PCDHGA10: variants seen among roughly 807,000 people sequenced by gnomAD.
The protein encoded by PCDHGA10 is protocadherin gamma subfamily A, 10.
A neutral mutation model predicts 59.5 loss-of-function variants in PCDHGA10; 42 were observed. That is an observed-to-expected ratio of 0.71 (90% CI 0.55 to 0.91). PCDHGA10 has a LOEUF of 0.91. PCDHGA10 is among the 40% of genes least tolerant of loss of function. The probability of loss-of-function intolerance (pLI) is 0.00; values close to 1 mark genes in which losing one functional copy is unlikely to be tolerated. For missense variants in PCDHGA10, 1,111 were observed against 1,198.2 expected (o/e 0.93, Z 1.07); for synonymous variants, 511 against 517.2 (o/e 0.99, Z 0.16).
rs146358809 is a variant in PCDHGA10, at chr5:141,480,913, C to T, written c.2437-13894C>T. 4.1e-3 allele frequency among the ~76,000 whole-genome samples: 617 copies of T among 152,096 alleles called. 6 individuals are homozygous for T. Among genetic ancestry groups the T allele is most frequent in the Admixed American group, 0.011 (171 of 15,272 alleles). ...TGCAAACATTAGCTGGGCATGGTGG[C>T]GCATACCTGTAGTCCCAGCTACTCT... On this transcript the variant is annotated intron_variant, in intron 1 of 3. Transcript: ENST00000398610.
At chr5:141,424,022 A>G (rs2096795541) in intron 1 of PCDHGA10, 13 of 1,046,584 alleles carry the variant, frequency 1.2e-5, no homozygotes, top group Non-Finnish European at 1.4e-5. Context: ...ATGATTCACA[A>G]ACACTTTTTA....
In PCDHGA10 at chr5:141,431,339, TTGG is replaced by T. The variant is rs750589924; in HGVS notation, c.2436+15731_2436+15733del. ...AGCCGACGGTAGTAAGTACCCCGAA[TTGG>T]TGCTGAAACGCGCCCTGGACCGCGA... is the stretch of plus-strand genomic sequence containing the variant. On this transcript the variant is annotated intron_variant, in intron 1 of 3. Coordinates refer to ENST00000398610, the MANE Select transcript of PCDHGA10 (RefSeq NM_018913.3). The surrounding 1 kb of genome is among the most constrained non-coding windows in gnomAD (Gnocchi z 4.8). 4 of 1,614,060 alleles carry T rather than the reference TTGG, an allele frequency of 2.5e-6. No individual in the cohort carries two copies. The Admixed American group carries it at 6.7e-5, about 27-fold the overall frequency.
At chr5:141,465,714 C>T (rs1015102102) in intron 1 of PCDHGA10, among the ~76,000 whole-genome samples, 4 of 152,200 alleles carry the variant, frequency 2.6e-5, no homozygotes, top group Non-Finnish European at 5.9e-5. Context: ...AATGCCACCA[C>T]TTCCACCTCT....
chr5:141,417,713 C>G, intron 1 of PCDHGA10: 1 of 1,271,750 alleles, frequency 7.9e-7, no homozygotes, highest in Non-Finnish European at 1.1e-6. Flanking sequence ...CAGAGGCTCC[C>G]GGCTGCGCAG....
intron 1 of PCDHGA10, among the ~76,000 whole-genome samples, chr5:141,442,717 C>T (rs918238654): frequency 1.3e-5 from 2 of 152,166 alleles, no homozygotes; most frequent in African/African-American, 2.4e-5. Flanking sequence ...CATGCCAGAG[C>T]ATTTGGGGCC....
rs374674787 is a variant in PCDHGA10, at chr5:141,413,232, G to A, written c.57G>A (p.Leu19=). ...CAAAGGATTGCAGCGGGCTGGTCCT[G>A]CTCTGCCTTTTCTTCGGGATTCCAT... The part of the protein sequence containing the change: ...KESKDCSGLV[L]LCLFFGIPWE... Residue 19 remains leucine (L), a synonymous_variant, in exon 1 of 4, where the codon CTG becomes CTA. Transcript: ENST00000398610. The A allele has an allele frequency of 1.1e-4, 170 of 1,613,834 alleles. No homozygotes were observed. Among genetic ancestry groups the A allele is most frequent in the Non-Finnish European group, 1.4e-4 (164 of 1,179,902 alleles).
intron 1 of PCDHGA10, chr5:141,428,464 G>A (rs904800167): frequency 1.1e-4 from 37 of 344,652 alleles, no homozygotes; most frequent in African/African-American, 6.3e-4. Context: ...CTACAATGAG[G>A]GAACTTTGCT....
Position 141,476,855 on chromosome 5 carries a change from T to C in PCDHGA10, c.2437-17952T>C, listed in dbSNP as rs149491772. The C allele has an allele frequency of 3.2e-4, 519 of 1,613,836 alleles. 3 individuals carry two copies. The African/African-American group carries it at 6.2e-3, about 19-fold the overall frequency. Reference sequence around the variant, plus strand: ...TGACAATGCGCCTGTCTTCAACCAGTCCTTGTACCGGGCGCGCGTCCTGGA... The same window carrying C: ...TGACAATGCGCCTGTCTTCAACCAGCCCTTGTACCGGGCGCGCGTCCTGGA... On this transcript the variant is annotated intron_variant, in intron 1 of 3. Coordinates refer to ENST00000398610, the MANE Select transcript of PCDHGA10 (RefSeq NM_018913.3). This position sits in a 1 kb window ranked among gnomAD's most constrained non-coding sequence, Gnocchi z 7.6.
chr5:141,487,397 G>C lies in PCDHGA10; in HGVS notation c.2437-7410G>C. On this transcript the variant is annotated intron_variant, in intron 1 of 3. Coordinates refer to ENST00000398610, the MANE Select transcript of PCDHGA10 (RefSeq NM_018913.3). The surrounding 1 kb of genome is among the most constrained non-coding windows in gnomAD (Gnocchi z 5.0). ...TCTCACCAGATCTCGAAGGAGGGAG[G>C]GGCTTCCCCCTTCCAATGGGATCCT... The C allele has an allele frequency of 6.2e-7, 1 of 1,614,062 alleles. No homozygotes were observed. The highest frequency in any genetic ancestry group is 8.5e-7 in the Non-Finnish European group (1 of 1,180,008).
intron 1 of PCDHGA10, among the ~76,000 whole-genome samples, chr5:141,438,216 T>A (rs2097938802): frequency 6.6e-6 from 1 of 152,158 alleles, no homozygotes; most frequent in Non-Finnish European, 1.5e-5. Flanking sequence ...TGGGAAGGGC[T>A]CTGGTTCAGG....
intron 1 of PCDHGA10, among the ~76,000 whole-genome samples, chr5:141,450,259 C>A (rs1243327669): frequency 6.6e-6 from 1 of 152,118 alleles, no homozygotes; most frequent in East Asian, 1.9e-4. Context: ...CTCAAGTGAT[C>A]TGCCCACCTC....
At chr5:141,495,014 G>A (rs561045298) in intron 2 of PCDHGA10, 149 bp downstream of exon 2, 13 of 1,510,430 alleles carry the variant, frequency 8.6e-6, no homozygotes, top group South Asian at 7.5e-5. Flanking sequence ...GCGGGGGGCT[G>A]GCACACAGAC....
intron 1 of PCDHGA10, among the ~76,000 whole-genome samples, chr5:141,445,132 G>T (rs921068835): frequency 2.6e-5 from 4 of 152,026 alleles, no homozygotes; most frequent in Non-Finnish European, 5.9e-5. Flanking sequence ...TTTTAAAATT[G>T]TATCTTCTAA....
rs754836894 is a variant in PCDHGA10, at chr5:141,432,969, C to A, written c.2436+17358C>A. 6.2e-7 allele frequency: 1 copy of A among 1,614,148 alleles called. No individual in the cohort carries two copies. Among genetic ancestry groups the A allele is most frequent in the East Asian group, 2.2e-5 (1 of 44,852 alleles). ...GGAGGCGGCTTGACAGGAGCGCCGG[C>A]GTCGCACTTTGTGGGCGTGGACGGG... is the stretch of plus-strand genomic sequence containing the variant. On this transcript the variant is annotated intron_variant, in intron 1 of 3. Coordinates refer to ENST00000398610, the MANE Select transcript of PCDHGA10 (RefSeq NM_018913.3). This position sits in a 1 kb window ranked among gnomAD's most constrained non-coding sequence, Gnocchi z 6.0.
At position 141,490,632 on chromosome 5, in the gene PCDHGA10, A is replaced by C; in HGVS notation, c.2437-4175A>C. Reference sequence around the variant, plus strand: ...AGCAGCTTTACACTGCTTACATCCTAGAAAACCGGCCTCCGGGCTCCCTTC... The same window carrying C: ...AGCAGCTTTACACTGCTTACATCCTCGAAAACCGGCCTCCGGGCTCCCTTC... On this transcript the variant is annotated intron_variant, in intron 1 of 3. Transcript: ENST00000398610. This position sits in a 1 kb window ranked among gnomAD's most constrained non-coding sequence, Gnocchi z 5.4. The C allele has an allele frequency of 1.2e-6, 2 of 1,614,196 alleles. No individual in the cohort carries two copies. Among genetic ancestry groups the C allele is most frequent in the South Asian group, 1.1e-5 (1 of 91,088 alleles).
At chr5:141,469,081 A>C (rs1451214440) in intron 1 of PCDHGA10, among the ~76,000 whole-genome samples, 1 of 151,790 alleles carries the variant, frequency 6.6e-6, no homozygotes, top group Non-Finnish European at 1.5e-5. Context: ...GTTTGAGACC[A>C]TTCTAGGCAA....
chr5:141,415,482 G>A lies in PCDHGA10; in HGVS notation c.2307G>A (p.Lys769=). 1 of 1,614,218 alleles carries A rather than the reference G, an allele frequency of 6.2e-7. No homozygotes were observed. The highest frequency in any genetic ancestry group is 8.5e-7 in the Non-Finnish European group (1 of 1,180,036). ...HEVSLTADSR[K]SHLIFPQPNY... ...TCTCTCTCACCGCGGACTCGCGAAAGAGTCACCTGATCTTCCCCCAGCCCA... is the reference window on the plus strand; with the variant it reads ...TCTCTCTCACCGCGGACTCGCGAAAAAGTCACCTGATCTTCCCCCAGCCCA... Residue 769 remains lysine (K), a synonymous_variant, in exon 1 of 4, where the codon AAG becomes AAA. Transcript: ENST00000398610.
In PCDHGA10 at chr5:141,472,878, C is replaced by T. The variant is rs774209715; in HGVS notation, c.2437-21929C>T. ...GCACATGCCTGTATTCCCAGCTACT[C>T]GGGAGGCTGAGGCAGGAGAATTGCT... On this transcript the variant is annotated intron_variant, in intron 1 of 3. Transcript: ENST00000398610. 6.8e-5 allele frequency among the ~76,000 whole-genome samples: 10 copies of T among 146,132 alleles called. 1 individual carries two copies. The highest frequency in any genetic ancestry group is 4.2e-4 in the East Asian group (2 of 4,758).
At chr5:141,441,615 G>A in intron 1 of PCDHGA10, 1 of 219,248 alleles carries the variant, frequency 4.6e-6, no homozygotes, top group Non-Finnish European at 9.2e-6. Context: ...TTCCATCGTG[G>A]CCAGTGACCT....
Sources: gnomAD v4.1 joint callset for allele counts (sites outside exome capture counted in the v4.1 genomes callset) on GRCh38, gnomAD v4.1.1 for gene constraint, Gnocchi (gnomAD v3.1) non-coding constraint, MANE v1.5 for transcripts, NCBI Gene and HGNC (gene_info 2026-07-23, HGNC 2026-07-21) for gene names.